PALM2AKAP2: variants seen among roughly 807,000 people sequenced by gnomAD.
PALM2AKAP2 encodes the protein PALM2-AKAP2 fusion protein.
In PALM2AKAP2, 37 loss-of-function variants were observed where a neutral mutation model predicts 71.5. That is an observed-to-expected ratio of 0.52 (90% CI 0.40 to 0.68). The LOEUF (loss-of-function observed/expected upper bound fraction) is 0.68, where lower values mean the gene tolerates loss of function less well. Among genes scored for constraint, PALM2AKAP2 ranks in the 30% least tolerant of loss-of-function variants. The probability of loss-of-function intolerance (pLI) is 0.00; values close to 1 mark genes in which losing one functional copy is unlikely to be tolerated. For synonymous variants in PALM2AKAP2, 468 were observed against 478.8 expected (o/e 0.98, Z 0.29); for missense variants, 1,224 against 1,191.8 (o/e 1.03, Z -0.40).
chr9:110,068,276 T>G (rs1834128521), intron 1 of PALM2AKAP2, among the ~76,000 whole-genome samples: 1 of 150,018 alleles, frequency 6.7e-6, no homozygotes, highest in Non-Finnish European at 1.5e-5. Flanking sequence ...CTGTTCTTTT[T>G]CTGTTTTCCT....
In PALM2AKAP2 at chr9:110,087,165, A is replaced by T. The variant is rs1277145128; in HGVS notation, c.156+38310A>T. ...TCTCTAACATGGCTAACTCTACCCC[A>T]CTTTAAGACTCAGCTTTATCAGCCC... On this transcript the variant is annotated intron_variant, in intron 1 of 3. Coordinates refer to ENST00000374525, the Ensembl canonical transcript of PALM2AKAP2. Among the ~76,000 whole-genome samples, 4 of 152,218 alleles carry T rather than the reference A, an allele frequency of 2.6e-5. No homozygotes were observed. In the East Asian group the frequency reaches 7.7e-4, roughly 29 times the overall value.
chr9:110,001,557 A>G (rs1307988432), intron 6 of PALM2AKAP2, among the ~76,000 whole-genome samples: 2 of 152,180 alleles, frequency 1.3e-5, no homozygotes, highest in Non-Finnish European at 2.9e-5. Flanking sequence ...GAATAAAGTC[A>G]TTGGTAGCTT....
At chr9:109,810,705 G>C (rs968906350) in intron 1 of PALM2AKAP2, among the ~76,000 whole-genome samples, 2 of 152,290 alleles carry the variant, frequency 1.3e-5, no homozygotes, top group African/African-American at 4.8e-5. Context: ...TACTTTTAGA[G>C]ATATGACAGT....
intron 2 of PALM2AKAP2, among the ~76,000 whole-genome samples, chr9:109,871,001 A>G (rs1002735544): frequency 6.6e-6 from 1 of 152,232 alleles, no homozygotes; most frequent in Non-Finnish European, 1.5e-5. Flanking sequence ...TCTTTATATA[A>G]TTCTCATATT....
chr9:109,983,161 G>A (rs771318553), intron 6 of PALM2AKAP2, among the ~76,000 whole-genome samples: 8 of 152,154 alleles, frequency 5.3e-5, no homozygotes, highest in Admixed American at 1.3e-4. Flanking sequence ...TAAAATTTCC[G>A]GCTTTCAGGA....
intron 6 of PALM2AKAP2, among the ~76,000 whole-genome samples, chr9:109,967,145 T>A (rs1301033724): frequency 6.6e-6 from 1 of 152,080 alleles, no homozygotes; most frequent in Non-Finnish European, 1.5e-5. Flanking sequence ...TTCCTCCCCC[T>A]CGTGTCCGGT....
chr9:109,937,149 G>GA (rs1327340591), intron 6 of PALM2AKAP2, among the ~76,000 whole-genome samples: 1 of 152,074 alleles, frequency 6.6e-6, no homozygotes, highest in Non-Finnish European at 1.5e-5. Flanking sequence ...GAGCCAGGGG[G>GA]ATAAGTCTGA....
chr9:109,863,347 G>T (rs370509766), intron 1 of PALM2AKAP2, among the ~76,000 whole-genome samples: 1 of 152,212 alleles, frequency 6.6e-6, no homozygotes, highest in East Asian at 1.9e-4. Flanking sequence ...GAAAGTAAGT[G>T]TCTAGGATGA....
chr9:110,009,510 C>G (rs1032416078), intron 6 of PALM2AKAP2, among the ~76,000 whole-genome samples: 16 of 151,862 alleles, frequency 1.1e-4, no homozygotes, highest in Admixed American at 2.0e-4. Flanking sequence ...GTCAGGAGAC[C>G]GAGACCATCC....
At chr9:109,680,532 G>A (rs564888382) in intron 1 of PALM2AKAP2, among the ~76,000 whole-genome samples, 14 of 152,326 alleles carry the variant, frequency 9.2e-5, no homozygotes, top group African/African-American at 3.1e-4. Flanking sequence ...TGGCAGTTTG[G>A]TGGAGCCTAT....
At chr9:109,642,895 G>C (rs535528678) in intron 1 of PALM2AKAP2, among the ~76,000 whole-genome samples, 1 of 149,544 alleles carries the variant, frequency 6.7e-6, no homozygotes, top group South Asian at 2.1e-4. Flanking sequence ...GGTGGTTCAT[G>C]ACTGCAATCT....
intron 1 of PALM2AKAP2, among the ~76,000 whole-genome samples, chr9:109,806,405 G>GCA (rs1827574479): frequency 6.6e-6 from 1 of 152,186 alleles, no homozygotes; most frequent in African/African-American, 2.4e-5. Flanking sequence ...ATTTGTGGAT[G>GCA]CTGAGAATGT....
At chr9:110,047,099 A>AAAGG (rs1473729622), upstream of PALM2AKAP2, among the ~76,000 whole-genome samples, 1 of 152,214 alleles carries the variant, frequency 6.6e-6, no homozygotes, top group Non-Finnish European at 1.5e-5. Context: ...AAAAGAAGGA[A>AAAGG]AAGGAAGGAA....
At chr9:109,906,335 A>C (rs1455361878) in intron 3 of PALM2AKAP2, among the ~76,000 whole-genome samples, 1 of 152,160 alleles carries the variant, frequency 6.6e-6, no homozygotes, top group Non-Finnish European at 1.5e-5. Flanking sequence ...AGTAGCTGGG[A>C]TTATAGGCCT....
At chr9:110,143,692 G>C (rs1453377785) in intron 2 of PALM2AKAP2, among the ~76,000 whole-genome samples, 2 of 152,220 alleles carry the variant, frequency 1.3e-5, no homozygotes, top group Non-Finnish European at 2.9e-5. Flanking sequence ...GAGAAACCCA[G>C]TTAGGTGATG....
At chr9:109,843,023 CCAGCTACT>C (rs1564175535) in intron 1 of PALM2AKAP2, among the ~76,000 whole-genome samples, 24 of 151,180 alleles carry the variant, frequency 1.6e-4, no homozygotes. Flanking sequence ...GCTTGTAATC[CCAGCTACT>C]CAGGAGGCTG....
chr9:109,817,009 A>T (rs566040736), intron 1 of PALM2AKAP2, among the ~76,000 whole-genome samples: 68 of 152,316 alleles, frequency 4.5e-4, no homozygotes, highest in Admixed American at 2.2e-3. Context: ...TTTCAACTTT[A>T]TTCAACCAGA....
chr9:109,813,510 A>AT (rs1281028814), intron 1 of PALM2AKAP2, among the ~76,000 whole-genome samples: 1 of 150,528 alleles, frequency 6.6e-6, no homozygotes, highest in Non-Finnish European at 1.5e-5. Context: ...TGACGTCAGC[A>AT]TTTTTCCCAT....
rs530719329 is a variant in PALM2AKAP2, at chr9:110,003,281, T to C, written c.497-12673T>C. 3.3e-3 allele frequency among the ~76,000 whole-genome samples: 495 copies of C among 152,188 alleles called. 3 individuals are homozygous for C. The highest frequency in any genetic ancestry group is 0.011 in the African/African-American group (451 of 41,466). On this transcript the variant is annotated intron_variant, in intron 6 of 9. Transcript: ENST00000302798. Reference sequence around the variant, plus strand: ...AACATCTTTATTTCTGCCTTCATTTTGTTATGTACCCAGTAGTCATTCAGG... The same window carrying C: ...AACATCTTTATTTCTGCCTTCATTTCGTTATGTACCCAGTAGTCATTCAGG...
Sources: allele counts gnomAD v4.1 joint callset (sites outside exome capture counted in the v4.1 genomes callset), GRCh38; gene constraint gnomAD v4.1.1; transcripts MANE v1.5; gene names NCBI Gene and HGNC (gene_info 2026-07-23, HGNC 2026-07-21).